Variants in SPMIP2 observed in about 807,000 individuals in gnomAD.
The protein encoded by SPMIP2 is sperm microtubule inner protein 2, also known as protein SPMIP2.
At chr4:158,930,507 CTTT>C in the SPMIP2 span, among the ~76,000 whole-genome samples, 1 of 144,688 alleles carries the variant, frequency 6.9e-6, no homozygotes. Flanking sequence ...TAATGCCTGG[CTTT>C]TTTTTTTTTT....
At chr4:159,022,693 A>G in the SPMIP2 span, among the ~76,000 whole-genome samples, 1 of 152,146 alleles carries the variant, frequency 6.6e-6, no homozygotes, top group African/African-American at 2.4e-5. Flanking sequence ...CTAGATACGG[A>G]TTGTGGTTAG....
At chr4:158,904,625 T>TGTCAAAAGCATGAG in the SPMIP2 span, 2 of 1,239,706 alleles carry the variant, frequency 1.6e-6, no homozygotes, top group Non-Finnish European at 2.3e-6. Context: ...CTCTCTGTGA[T>TGTCAAAAGCATGAG]GTCAAAAGCA....
chr4:158,955,422 T>G, the SPMIP2 span, among the ~76,000 whole-genome samples: 1 of 152,216 alleles, frequency 6.6e-6, no homozygotes, highest in Non-Finnish European at 1.5e-5. Context: ...TTTGTTTTTT[T>G]GAGACAGAGT....
the SPMIP2 span, chr4:158,904,648 A>G: frequency 1.0e-6 from 1 of 987,544 alleles, no homozygotes; most frequent in Admixed American, 2.1e-5. Context: ...AGAAGAGCAA[A>G]CAGAAACAGT....
the SPMIP2 span, among the ~76,000 whole-genome samples, chr4:159,001,561 C>A: frequency 6.6e-6 from 1 of 152,096 alleles, no homozygotes; most frequent in African/African-American, 2.4e-5. Context: ...GAGTTCTCAT[C>A]ATTTAGCTCC....
At chr4:159,063,593 C>A in the SPMIP2 span, among the ~76,000 whole-genome samples, 1 of 150,598 alleles carries the variant, frequency 6.6e-6, no homozygotes, top group Non-Finnish European at 1.5e-5. Context: ...ATAAAACAAT[C>A]TTTAAGAGAC....
chr4:158,895,251 T>C, the SPMIP2 span, among the ~76,000 whole-genome samples: 4 of 152,128 alleles, frequency 2.6e-5, no homozygotes, highest in Non-Finnish European at 4.4e-5. Flanking sequence ...TTCCCGTCAG[T>C]CTCCTCTGGA....
the SPMIP2 span, among the ~76,000 whole-genome samples, chr4:158,896,766 GTC>G: frequency 6.8e-6 from 1 of 147,514 alleles, no homozygotes; most frequent in African/African-American, 2.5e-5. Flanking sequence ...CTTGCAACAT[GTC>G]TCTTTGTCGT....
chr4:159,016,919 C>A, the SPMIP2 span, among the ~76,000 whole-genome samples: 8 of 152,148 alleles, frequency 5.3e-5, no homozygotes, highest in Non-Finnish European at 1.0e-4. Context: ...GGACAGTGAA[C>A]ATAAGTAACT....
chr4:158,925,224 T>C, the SPMIP2 span, among the ~76,000 whole-genome samples: 1 of 152,240 alleles, frequency 6.6e-6, no homozygotes, highest in Non-Finnish European at 1.5e-5. Flanking sequence ...TAACTTGTTA[T>C]AGGTCTATTC....
chr4:158,966,974 A>C, the SPMIP2 span, among the ~76,000 whole-genome samples: 74 of 152,344 alleles, frequency 4.9e-4, no homozygotes, highest in African/African-American at 1.8e-3. Context: ...TGAATGTGGC[A>C]GCATCGCTGG....
At chr4:158,942,014 T>C in the SPMIP2 span, among the ~76,000 whole-genome samples, 1 of 152,226 alleles carries the variant, frequency 6.6e-6, no homozygotes, top group South Asian at 2.1e-4. Flanking sequence ...AGATCCTAGC[T>C]CTGCTCAGTG....
chr4:159,033,958 A>G, the SPMIP2 span, among the ~76,000 whole-genome samples: 1 of 152,114 alleles, frequency 6.6e-6, no homozygotes, highest in African/African-American at 2.4e-5. Flanking sequence ...CCCCATTTCT[A>G]CTAAAAGTAC....
chr4:158,981,324 G>A, the SPMIP2 span, among the ~76,000 whole-genome samples: 1 of 152,088 alleles, frequency 6.6e-6, no homozygotes, highest in African/African-American at 2.4e-5. Context: ...TAGCAAGACA[G>A]GCCAACATTC....
the SPMIP2 span, among the ~76,000 whole-genome samples, chr4:158,979,638 C>G: frequency 6.6e-6 from 1 of 152,116 alleles, no homozygotes; most frequent in East Asian, 1.9e-4. Flanking sequence ...CCATGAGGAA[C>G]AGTGACCACT....
At chr4:159,081,130 C>G in the SPMIP2 span, among the ~76,000 whole-genome samples, 1 of 151,620 alleles carries the variant, frequency 6.6e-6, no homozygotes, top group East Asian at 1.9e-4. Flanking sequence ...CTCCACCTCC[C>G]GGGTTCAAGT....
At chr4:159,019,007 G>A in the SPMIP2 span, among the ~76,000 whole-genome samples, 2 of 152,210 alleles carry the variant, frequency 1.3e-5, no homozygotes, top group Non-Finnish European at 2.9e-5. Flanking sequence ...GGAGAATGGC[G>A]TGAACCCAGG....
the SPMIP2 span, among the ~76,000 whole-genome samples, chr4:159,020,828 C>T: frequency 2.0e-5 from 3 of 152,166 alleles, no homozygotes; most frequent in Non-Finnish European, 2.9e-5. Context: ...GTGGCGCTAT[C>T]TCGGCTCACT....
At chr4:158,945,756 A>C in the SPMIP2 span, among the ~76,000 whole-genome samples, 1 of 152,220 alleles carries the variant, frequency 6.6e-6, no homozygotes, top group African/African-American at 2.4e-5. Flanking sequence ...TGAAAGCTGA[A>C]ATTTTACCAA....
Sources: allele counts gnomAD v4.1 joint callset (sites outside exome capture counted in the v4.1 genomes callset), GRCh38; gene constraint gnomAD v4.1.1; transcripts MANE v1.5; gene names NCBI Gene and HGNC (gene_info 2026-07-23, HGNC 2026-07-21).